GAB3: variants seen among roughly 807,000 people sequenced by gnomAD.
The protein encoded by GAB3 is GRB2-associated-binding protein 3.
GAB3 carries 12 observed loss-of-function variants against 40.4 expected under a neutral mutation model. That is an observed-to-expected ratio of 0.30 (90% CI 0.19 to 0.48). GAB3 has a LOEUF of 0.48. Ranked by LOEUF, GAB3 falls within the 20% of genes least tolerant of loss-of-function variation. The pLI is 0.99. For synonymous variants in GAB3, 154 were observed against 176.7 expected (o/e 0.87, Z 1.02); for missense variants, 381 against 461.9 (o/e 0.82, Z 1.61).
intron 1 of GAB3, among the ~76,000 whole-genome samples, chrX:154,742,985 CATATAT>C (rs34588574): frequency 0.062 from 5,762 of 92,252 alleles, 172 homozygotes; most frequent in South Asian, 0.14. Context: ...AGTGTGTGTA[CATATAT>C]ATATATATAT....
chrX:154,694,486 C>A (rs2070622372), intron 8 of GAB3, among the ~76,000 whole-genome samples: 2 of 110,165 alleles, frequency 1.8e-5, no homozygotes, highest in Non-Finnish European at 3.8e-5. Context: ...TCCCGGGTTC[C>A]TGCCATTCTC....
At chrX:154,696,056 C>A (rs1557250639) in intron 7 of GAB3, 37 bp from the exon 8 acceptor site, 2 of 840,190 alleles carry the variant, frequency 2.4e-6, no homozygotes, top group Non-Finnish European at 3.5e-6. Flanking sequence ...AAAGCAATGT[C>A]TTACAGCTGC....
intron 1 of GAB3, among the ~76,000 whole-genome samples, chrX:154,727,278 T>C (rs2071226507): frequency 8.9e-6 from 1 of 112,285 alleles, no homozygotes; most frequent in Non-Finnish European, 1.9e-5. Context: ...TCCTTCTCCA[T>C]GGAATACTCT....
intron 1 of GAB3, among the ~76,000 whole-genome samples, chrX:154,741,796 C>T (rs1442184049): frequency 1.8e-5 from 2 of 111,205 alleles, no homozygotes; most frequent in African/African-American, 6.6e-5. Context: ...AAACAGGTAC[C>T]CTCTTCACAG....
chrX:154,742,445 C>T (rs2071456066), intron 1 of GAB3, among the ~76,000 whole-genome samples: 1 of 111,478 alleles, frequency 9.0e-6, no homozygotes, highest in African/African-American at 3.3e-5. Context: ...TTACATTAGC[C>T]TACAGTTGGG....
chrX:154,749,109 G>A (rs1275133732), intron 1 of GAB3, among the ~76,000 whole-genome samples: 1 of 111,482 alleles, frequency 9.0e-6, no homozygotes, highest in Non-Finnish European at 1.9e-5. Context: ...TGTGTCTTAA[G>A]TCTAGTCACT....
intron 1 of GAB3, among the ~76,000 whole-genome samples, chrX:154,743,180 T>A (rs921329909): frequency 2.7e-5 from 3 of 110,177 alleles, no homozygotes; most frequent in African/African-American, 6.6e-5. Flanking sequence ...TAAAGTGACA[T>A]CTTTAAGGTG....
chrX:154,691,899 A>G (rs2070575713), intron 8 of GAB3, among the ~76,000 whole-genome samples: 1 of 112,025 alleles, frequency 8.9e-6, no homozygotes, highest in South Asian at 3.7e-4. Context: ...CGCCAGGACC[A>G]TTCGACATGG....
chrX:154,707,859 A>T (rs2070835762), intron 4 of GAB3, among the ~76,000 whole-genome samples: 1 of 112,579 alleles, frequency 8.9e-6, no homozygotes, highest in Non-Finnish European at 1.9e-5. Flanking sequence ...CCAAAACTCA[A>T]TTTAAGTTTT....
intron 9 of GAB3, 76 bp from the exon 10 acceptor site, chrX:154,678,370 A>G: frequency 1.8e-6 from 1 of 565,757 alleles, no homozygotes; most frequent in East Asian, 3.3e-5. Context: ...TTTTGTATTA[A>G]ATTGTTAAAT....
At chrX:154,723,749 AGGATATAGAAAGC>A (rs1557259079) in intron 1 of GAB3, among the ~76,000 whole-genome samples, 1 of 111,455 alleles carries the variant, frequency 9.0e-6, no homozygotes, top group Non-Finnish European at 1.9e-5. Flanking sequence ...CTGGGTCAAG[AGGATATAGAAAGC>A]GGAATCACTA....
intron 1 of GAB3, among the ~76,000 whole-genome samples, chrX:154,746,026 T>C (rs1353428928): frequency 8.7e-5 from 8 of 91,829 alleles, no homozygotes; most frequent in African/African-American, 3.5e-4. Context: ...CACTTCAGCC[T>C]GGGTGACAAG....
intron 8 of GAB3, among the ~76,000 whole-genome samples, chrX:154,687,633 C>CAAA (rs144999605): frequency 4.3e-4 from 10 of 23,328 alleles, no homozygotes; most frequent in Non-Finnish European, 6.4e-4. Flanking sequence ...GACTCTGTCT[C>CAAA]AAAAAAAAAA....
intron 1 of GAB3, among the ~76,000 whole-genome samples, chrX:154,733,649 T>C (rs1373947940): frequency 8.9e-6 from 1 of 112,291 alleles, no homozygotes; most frequent in African/African-American, 3.2e-5. Context: ...TTAGAAAGGT[T>C]TTCCCAACCC....
In GAB3 at chrX:154,677,098, A is replaced by C. The variant is rs1207632302; in HGVS notation, c.*1080T>G. 1.8e-5 allele frequency: 2 copies of C among 111,822 alleles called. No homozygotes were observed. The highest frequency in any genetic ancestry group is 5.6e-4 in the East Asian group (2 of 3,564). The allele number at this position is 111,822 out of a possible 1,213,427, so 9.2% of individuals were successfully genotyped here. A position where few individuals can be genotyped will look rare whatever the true frequency, so the allele number is the denominator to read the frequency against. The stretch of plus-strand genomic sequence containing the variant: ...CACAGGGAAACACACTGTATAGGTG[A>C]CCATGAGAATGGCCTTCAGACTAAC... On this transcript the variant is annotated 3_prime_UTR_variant, in exon 10 of 10. Coordinates refer to ENST00000424127, the MANE Select transcript of GAB3 (RefSeq NM_001081573.3).
At chrX:154,713,493 C>T in intron 2 of GAB3, 67 bp from the exon 3 acceptor site, 1 of 925,968 alleles carries the variant, frequency 1.1e-6, no homozygotes, top group Non-Finnish European at 1.5e-6. Flanking sequence ...ATTTCTCCAA[C>T]AGCATCAAAG....
At chrX:154,680,720 C>T (rs2070361770) in intron 8 of GAB3, among the ~76,000 whole-genome samples, 1 of 112,420 alleles carries the variant, frequency 8.9e-6, no homozygotes, top group Non-Finnish European at 1.9e-5. Flanking sequence ...CCTGTACCAT[C>T]TTTCCTTCTC....
At chrX:154,738,298 A>AGGACAGT (rs1557260794) in intron 1 of GAB3, among the ~76,000 whole-genome samples, 3 of 112,670 alleles carry the variant, frequency 2.7e-5, no homozygotes, top group Non-Finnish European at 5.6e-5. Flanking sequence ...GTACCAGTTC[A>AGGACAGT]GAGGAAATAT....
At chrX:154,736,685 T>G (rs1405025597) in intron 1 of GAB3, among the ~76,000 whole-genome samples, 3 of 112,534 alleles carry the variant, frequency 2.7e-5, no homozygotes, top group Non-Finnish European at 5.6e-5. Context: ...GCAGGGAGAA[T>G]AAGCCAGGGT....
Sources: gnomAD v4.1 joint callset for allele counts (sites outside exome capture counted in the v4.1 genomes callset) on GRCh38, gnomAD v4.1.1 for gene constraint, MANE v1.5 for transcripts, NCBI Gene and HGNC (gene_info 2026-07-23, HGNC 2026-07-21) for gene names.